LRMDA: variants seen among roughly 807,000 people sequenced by gnomAD.
LRMDA encodes the protein leucine rich melanocyte differentiation associated, also known as leucine-rich melanocyte differentiation-associated protein.
A neutral mutation model predicts 29.8 loss-of-function variants in LRMDA; 18 were observed. That is an observed-to-expected ratio of 0.60 (90% confidence interval 0.42 to 0.90). The LOEUF is 0.90. LRMDA is among the 40% of genes least tolerant of loss of function. LRMDA has a pLI of 0.00. For synonymous variants in LRMDA, 125 were observed against 109.4 expected (o/e 1.14, Z -0.89); for missense variants, 273 against 273.9 (o/e 1.00, Z 0.02).
intron 5 of LRMDA, among the ~76,000 whole-genome samples, chr10:76,198,527 T>C (rs545861393): frequency 6.6e-6 from 1 of 152,228 alleles, no homozygotes; most frequent in South Asian, 2.1e-4. Flanking sequence ...GATGTTATAA[T>C]GCTGAAGAAG....
Position 76,253,520 on chromosome 10 carries a change from G to GGAGAGA in LRMDA, c.517-70864_517-70859dup, listed in dbSNP as rs60609129. Among the ~76,000 whole-genome samples, 410 of 148,120 alleles carry GGAGAGA rather than the reference G, an allele frequency of 2.8e-3. 18 individuals carry two copies. The East Asian group carries it at 0.062, about 23-fold the overall frequency. ...GAGAAAGGGAGTGGAGAAGAGAGGG[G>GGAGAGA]GAGAGAGAGAGAGAGAGAGAGATTG... On this transcript the variant is annotated intron_variant, in intron 5 of 6. Transcript: ENST00000611255.
chr10:75,579,948 A>G (rs1184252389), intron 2 of LRMDA, among the ~76,000 whole-genome samples: 1 of 152,248 alleles, frequency 6.6e-6, no homozygotes, highest in Non-Finnish European at 1.5e-5. Flanking sequence ...ATTTATGGCA[A>G]ACCCACAGCC....
chr10:75,767,347 G>A (rs1363865423), intron 2 of LRMDA, among the ~76,000 whole-genome samples: 9 of 152,200 alleles, frequency 5.9e-5, no homozygotes, highest in Non-Finnish European at 4.4e-5. Context: ...TAACTGGCGT[G>A]AGATAGTATC....
chr10:75,754,617 T>C (rs1843007955), intron 2 of LRMDA, among the ~76,000 whole-genome samples: 2 of 152,238 alleles, frequency 1.3e-5, no homozygotes, highest in Non-Finnish European at 2.9e-5. Flanking sequence ...TAGTAAGTAA[T>C]GACTTTTCTG....
At chr10:75,981,850 CAAA>C (rs10570078) in intron 2 of LRMDA, among the ~76,000 whole-genome samples, 22 of 116,412 alleles carry the variant, frequency 1.9e-4, no homozygotes, top group African/African-American at 3.4e-4. Flanking sequence ...GACTCCATCT[CAAA>C]AAAAAAAAAA....
intron 2 of LRMDA, among the ~76,000 whole-genome samples, chr10:75,634,843 C>T (rs1192360982): frequency 6.6e-6 from 1 of 151,984 alleles, no homozygotes; most frequent in African/African-American, 2.4e-5. Flanking sequence ...TTCCAATTAA[C>T]ACTAACAACA....
intron 2 of LRMDA, among the ~76,000 whole-genome samples, chr10:75,598,441 G>A (rs1840830539): frequency 6.6e-6 from 1 of 152,116 alleles, no homozygotes; most frequent in African/African-American, 2.4e-5. Flanking sequence ...TAAGACAGAA[G>A]GCCTCAGCTG....
At chr10:76,177,409 AAAC>A (rs1554853139) in intron 5 of LRMDA, among the ~76,000 whole-genome samples, 4 of 151,812 alleles carry the variant, frequency 2.6e-5, no homozygotes, top group African/African-American at 9.7e-5. Flanking sequence ...GACAAAAAAA[AAAC>A]AACAAAAAAA....
intron 2 of LRMDA, among the ~76,000 whole-genome samples, chr10:75,968,431 G>T (rs562682486): frequency 6.6e-6 from 1 of 152,306 alleles, no homozygotes; most frequent in South Asian, 2.1e-4. Context: ...TCTCTCTAAA[G>T]CTTCAGTCAT....
chr10:76,137,785 AAC>A lies in LRMDA; in HGVS notation c.516+79004_516+79005del, dbSNP rs201823601. On this transcript the variant is annotated intron_variant, in intron 5 of 6. Transcript: ENST00000611255. ...CAGTCCCTATGGCAAAAAAAAAAAA[AAC>A]AAACAAAAAACCCTAAACTTTGACT... Among the ~76,000 whole-genome samples, 751 of 149,406 alleles carry A rather than the reference AAC, an allele frequency of 5.0e-3. 7 individuals carry two copies. Among genetic ancestry groups the A allele is most frequent in the African/African-American group, 0.016 (647 of 40,658 alleles).
intron 6 of LRMDA, among the ~76,000 whole-genome samples, chr10:76,506,578 C>G (rs551352307): frequency 2.0e-5 from 3 of 152,030 alleles, no homozygotes; most frequent in South Asian, 4.1e-4. Flanking sequence ...GTTATTCTTT[C>G]TCACTGTATT....
intron 6 of LRMDA, among the ~76,000 whole-genome samples, chr10:76,385,600 A>G (rs1841649926): frequency 6.6e-6 from 1 of 152,172 alleles, no homozygotes; most frequent in Non-Finnish European, 1.5e-5. Flanking sequence ...CTAACATGCC[A>G]TCTTGCTGCT....
At chr10:75,507,671 A>C (rs988868834) in intron 2 of LRMDA, among the ~76,000 whole-genome samples, 7 of 152,186 alleles carry the variant, frequency 4.6e-5, no homozygotes, top group Non-Finnish European at 1.5e-5. Flanking sequence ...TTAATGACTT[A>C]TTTGTACTGG....
rs115218824 is a variant in LRMDA at position 76,308,488 on chromosome 10, C to T, written c.517-15913C>T. Among the ~76,000 whole-genome samples, 895 of 152,172 alleles carry T rather than the reference C, an allele frequency of 5.9e-3. 9 individuals are homozygous for T. The highest frequency in any genetic ancestry group is 0.021 in the African/African-American group (856 of 41,526). ...CCCTCCCAAGACTACTTCCATGGAC[C>T]GAGACAGGTAACTGCAGTTACCCAG... On this transcript the variant is annotated intron_variant, in intron 5 of 6. Coordinates refer to ENST00000611255, the MANE Select transcript of LRMDA (RefSeq NM_001305581.2).
intron 5 of LRMDA, among the ~76,000 whole-genome samples, chr10:76,162,578 A>G (rs1369616821): frequency 1.3e-5 from 2 of 152,124 alleles, no homozygotes; most frequent in Non-Finnish European, 2.9e-5. Context: ...GGATAGTGGG[A>G]GCAGGAGCAA....
intron 2 of LRMDA, among the ~76,000 whole-genome samples, chr10:75,658,972 G>A (rs1841714180): frequency 6.6e-6 from 1 of 152,198 alleles, no homozygotes; most frequent in African/African-American, 2.4e-5. Context: ...AATCATTTGG[G>A]CTCCAAATTC....
At chr10:76,077,949 T>G (rs923861590) in intron 5 of LRMDA, among the ~76,000 whole-genome samples, 1 of 150,820 alleles carries the variant, frequency 6.6e-6, no homozygotes, top group African/African-American at 2.4e-5. Context: ...CCTGGATATA[T>G]TCAACTTGTA....
intron 2 of LRMDA, among the ~76,000 whole-genome samples, chr10:75,811,106 T>C (rs1564574256): frequency 6.6e-6 from 1 of 152,166 alleles, no homozygotes; most frequent in East Asian, 1.9e-4. Flanking sequence ...GAATTCCTTA[T>C]TGGATAAATA....
At chr10:76,327,131 A>T (rs574441652) in intron 6 of LRMDA, among the ~76,000 whole-genome samples, 1 of 138,410 alleles carries the variant, frequency 7.2e-6, no homozygotes, top group African/African-American at 2.8e-5. Context: ...TCACCCTGTC[A>T]CCCAGGCTGG....
Sources: allele counts gnomAD v4.1 joint callset (sites outside exome capture counted in the v4.1 genomes callset), GRCh38; gene constraint gnomAD v4.1.1; transcripts MANE v1.5; gene names NCBI Gene and HGNC (gene_info 2026-07-23, HGNC 2026-07-21).